SLC43A3: variants seen among roughly 807,000 people sequenced by gnomAD.
The protein encoded by SLC43A3 is equilibrative nucleobase transporter 1.
SLC43A3 carries 33 observed loss-of-function variants against 53.3 expected under a neutral mutation model. That is an observed-to-expected ratio of 0.62 (90% CI 0.47 to 0.83). The LOEUF (loss-of-function observed/expected upper bound fraction) is 0.83. Ranked by LOEUF, SLC43A3 falls within the 40% of genes least tolerant of loss-of-function variation. SLC43A3 has a pLI of 0.00. For missense variants in SLC43A3, 530 were observed against 610.0 expected, an observed-to-expected ratio of 0.87 and a Z score of 1.38; for synonymous variants, 236 against 246.2, an observed-to-expected ratio of 0.96 and a Z score of 0.39.
intron 9 of SLC43A3, chr11:57,415,333 A>G (rs1176099471): frequency 8.6e-6 from 13 of 1,507,444 alleles, no homozygotes; most frequent in Non-Finnish European, 1.2e-5. Context: ...GTTCTTCTCT[A>G]TTGAAATCCG....
In SLC43A3 at chr11:57,415,291, T is replaced by C. The variant is rs919577211; in HGVS notation, c.770-185A>G. ...ACATCCCCACCTCCCTGCTTTGTCA[T>C]GCTGGCCCTACCACCTTGGATGACC... On this transcript the variant is annotated intron_variant, in intron 9 of 13. Transcript: ENST00000395124. The C allele has an allele frequency of 5.2e-6, 8 of 1,529,782 alleles. No individual in the cohort carries two copies. The African/African-American group carries it at 9.6e-5, about 18-fold the overall frequency. The allele number at this position is 1,529,782 out of a possible 1,614,324, so 94.8% of individuals were successfully genotyped here.
intron 7 of SLC43A3, among the ~76,000 whole-genome samples, chr11:57,420,644 A>G (rs548904034): frequency 1.4e-4 from 22 of 152,254 alleles, no homozygotes; most frequent in Non-Finnish European, 2.6e-4. Context: ...GCCCCACTCT[A>G]AAGGTCCCCC....
chr11:57,422,320 C>T (rs1027087518), intron 5 of SLC43A3, among the ~76,000 whole-genome samples: 18 of 152,126 alleles, frequency 1.2e-4, no homozygotes, highest in African/African-American at 4.1e-4. Flanking sequence ...TGCATTTGAC[C>T]TTAGAATGTT....
chr11:57,411,608 T>C (rs1039051400), intron 11 of SLC43A3, among the ~76,000 whole-genome samples: 14 of 151,718 alleles, frequency 9.2e-5, no homozygotes, highest in Non-Finnish European at 1.5e-4. Context: ...GAGGCTGCAG[T>C]GAGCCGTGAT....
Position 57,426,338 on chromosome 11 carries a change from G to T in SLC43A3, c.-166C>A. On this transcript the variant is annotated 5_prime_UTR_variant, in exon 3 of 14. Transcript: ENST00000395124. The stretch of plus-strand genomic sequence containing the variant: ...AGGCCTGGGCAAAAACCATCAGCGG[G>T]TGATTCTCTGGATCCTGTAGAATAA... The T allele has an allele frequency of 3.2e-6, 2 of 620,442 alleles. No homozygotes were observed. Among genetic ancestry groups the T allele is most frequent in the Non-Finnish European group, 5.6e-6 (2 of 356,220 alleles). The allele number at this position is 620,442 out of a possible 1,614,324, so 38.4% of individuals were successfully genotyped here.
chr11:57,409,212 G>C lies in SLC43A3; in HGVS notation c.1334C>G (p.Thr445Ser). 1.2e-6 allele frequency: 2 copies of C among 1,614,188 alleles called. No individual in the cohort carries two copies. The highest frequency in any genetic ancestry group is 2.2e-5 in the South Asian group (2 of 91,090). ...VVSLLQFPIF[T>S]LIKGSLQNDP... is the part of the protein sequence containing the mutation. ...ATTCTGAAGGGAGCCTTTGATGAGG[G>C]TGAAGATGGGGAACTGGAGCAGAGA... The change falls in exon 13 of 14, where the codon ACC becomes AGC. Residue 445 changes from threonine (T) to serine (S), a missense_variant. Thr to Ser is a moderately conservative substitution (Grantham distance 58, BLOSUM62 1). Coordinates refer to ENST00000395124, the MANE Select transcript of SLC43A3 (RefSeq NM_199329.3).
chr11:57,426,149 C>G lies in SLC43A3; in HGVS notation c.24G>C (p.Leu8=). 3 of 1,614,044 alleles carry G rather than the reference C, an allele frequency of 1.9e-6. No homozygotes were observed. Among genetic ancestry groups the G allele is most frequent in the Non-Finnish European group, 2.5e-6 (3 of 1,179,908 alleles). The change falls in exon 3 of 14, where the codon CTG becomes CTC. Residue 8 remains leucine (L), a synonymous_variant. Coordinates refer to ENST00000395124, the MANE Select transcript of SLC43A3 (RefSeq NM_199329.3). ...GCCCAGTCAGCAGTGTGGCCACGTG[C>G]AGGGGCAGGCCCTGGCCCGCCATGA... The part of the protein sequence containing the change: MAGQGLP[L]HVATLLTGLL...
chr11:57,416,559 C>T lies in SLC43A3; in HGVS notation c.769+14G>A. 1 of 1,608,374 alleles carries T rather than the reference C, an allele frequency of 6.2e-7. No homozygotes were observed. Among genetic ancestry groups the T allele is most frequent in the Non-Finnish European group, 8.5e-7 (1 of 1,175,068 alleles). On this transcript the variant is annotated intron_variant, in intron 9 of 13. Coordinates refer to ENST00000395124, the MANE Select transcript of SLC43A3 (RefSeq NM_199329.3). ...TGGGTCTGGAGGAGAGATGGGTTAGCCAGCAGGGCTCACCTTCCTTCGCTG... is the reference window on the plus strand; with the variant it reads ...TGGGTCTGGAGGAGAGATGGGTTAGTCAGCAGGGCTCACCTTCCTTCGCTG...
chr11:57,414,045 G>A (rs1435807340), intron 11 of SLC43A3, among the ~76,000 whole-genome samples: 1 of 152,162 alleles, frequency 6.6e-6, no homozygotes. Flanking sequence ...GATTATAACT[G>A]CCTGACTACC....
In SLC43A3 at chr11:57,410,011, G is replaced by C; in HGVS notation, c.1171C>G (p.Gln391Glu). 6.2e-7 allele frequency: 1 copy of C among 1,613,322 alleles called. No homozygotes were observed. The highest frequency in any genetic ancestry group is 1.1e-5 in the South Asian group (1 of 90,616). The change falls in exon 12 of 14, where the codon CAG becomes GAG. Residue 391 changes from glutamine (Q) to glutamate (E), a missense_variant. This residue lies in a region of SLC43A3 where 124 missense variants were observed against 166.4 expected (regional missense o/e 0.75). Coordinates refer to ENST00000395124, the MANE Select transcript of SLC43A3 (RefSeq NM_199329.3). Reference protein sequence around the residue: ...LCASVPILPLQYLTFILQVIS... With the variant: ...LCASVPILPLEYLTFILQVIS... ...ACTTGCAGGATGAAGGTGAGGTACT[G>C]GAGAGGGAGGATGGGGACTGAGGCA...
chr11:57,422,258 T>A (rs1156485426), intron 5 of SLC43A3, among the ~76,000 whole-genome samples: 1 of 152,240 alleles, frequency 6.6e-6, no homozygotes, highest in African/African-American at 2.4e-5. Flanking sequence ...AGAAAGTAAC[T>A]GTCAAAATAA....
chr11:57,411,395 T>C (rs1164924397), intron 11 of SLC43A3, among the ~76,000 whole-genome samples: 2 of 137,470 alleles, frequency 1.5e-5, no homozygotes, highest in Non-Finnish European at 3.0e-5. Context: ...TCCCAACACT[T>C]TGGGAGGCCA....
chr11:57,420,634 G>A (rs1295141270), intron 7 of SLC43A3, among the ~76,000 whole-genome samples: 4 of 152,054 alleles, frequency 2.6e-5, no homozygotes, highest in Non-Finnish European at 5.9e-5. Context: ...AGCAGCAAAC[G>A]CCCCACTCTA....
chr11:57,424,187 C>T (rs1425997793), intron 4 of SLC43A3, 159 bp from the exon 5 acceptor site: 1 of 703,176 alleles, frequency 1.4e-6, no homozygotes, highest in African/African-American at 1.8e-5. Context: ...AGGCTCAAAA[C>T]CAGGCGCAAG....
intron 7 of SLC43A3, among the ~76,000 whole-genome samples, chr11:57,420,603 T>C (rs1416775955): frequency 1.3e-5 from 2 of 152,178 alleles, no homozygotes; most frequent in African/African-American, 4.8e-5. Flanking sequence ...TGCCACCTTC[T>C]TGTCCAAACT....
At chr11:57,416,751 G>T in intron 8 of SLC43A3, 81 bp from the exon 9 acceptor site, 1 of 1,061,336 alleles carries the variant, frequency 9.4e-7, no homozygotes, top group South Asian at 1.3e-5. Flanking sequence ...ATAGCATGGT[G>T]AATCCCACAT....
At chr11:57,425,100 A>C (rs997736064) in intron 4 of SLC43A3, among the ~76,000 whole-genome samples, 1 of 140,432 alleles carries the variant, frequency 7.1e-6, no homozygotes, top group Non-Finnish European at 1.6e-5. Context: ...TGGGGCGGGG[A>C]GGGGGGGCGG....
At chr11:57,410,154 G>C (rs1314068248) in intron 11 of SLC43A3, 33 bp from the exon 12 acceptor site, 1 of 1,527,266 alleles carries the variant, frequency 6.5e-7, no homozygotes, top group Non-Finnish European at 8.8e-7. Context: ...GAAGCTCTCT[G>C]TAGGCCAACC....
At chr11:57,410,902 C>A (rs908902184) in intron 11 of SLC43A3, among the ~76,000 whole-genome samples, 9 of 152,136 alleles carry the variant, frequency 5.9e-5, no homozygotes, top group Non-Finnish European at 1.0e-4. Flanking sequence ...TTTGATTCTT[C>A]CTCATTTTTC....
Sources: allele counts gnomAD v4.1 joint callset (sites outside exome capture counted in the v4.1 genomes callset), GRCh38; gene constraint gnomAD v4.1.1; regional missense constraint gnomAD v4.1.1; transcripts MANE v1.5; gene names NCBI Gene and HGNC (gene_info 2026-07-23, HGNC 2026-07-21).